SESTD1: variants seen among roughly 807,000 people sequenced by gnomAD.
SESTD1 encodes the protein SEC14 and spectrin domain containing 1, also known as SEC14 domain and spectrin repeat-containing protein 1.
Under a neutral mutation model 101.7 loss-of-function variants are expected in SESTD1, and 43 were observed. That is an observed-to-expected ratio of 0.42 (90% CI 0.33 to 0.55). The LOEUF is 0.55. SESTD1 is among the 20% of genes least tolerant of loss of function. The pLI is 0.07. For missense variants in SESTD1, 647 were observed against 815.1 expected, an observed-to-expected ratio of 0.79 and a Z score of 2.51; for synonymous variants, 283 against 286.8, an observed-to-expected ratio of 0.99 and a Z score of 0.13.
At chr2:179,116,273 T>TAA (rs371896290) in intron 15 of SESTD1, among the ~76,000 whole-genome samples, 8,170 of 139,218 alleles carry the variant, frequency 0.059, 285 homozygotes, top group South Asian at 0.11. Context: ...GACTGTGTCT[T>TAA]AAAAAAAAAA....
At chr2:179,161,968 A>G (rs1358945239) in intron 5 of SESTD1, among the ~76,000 whole-genome samples, 1 of 152,218 alleles carries the variant, frequency 6.6e-6, no homozygotes, top group Non-Finnish European at 1.5e-5. Flanking sequence ...GATATGCTAC[A>G]TAACAATTTT....
At chr2:179,230,607 C>T (rs1197077572) in intron 1 of SESTD1, among the ~76,000 whole-genome samples, 1 of 151,358 alleles carries the variant, frequency 6.6e-6, no homozygotes, top group Non-Finnish European at 1.5e-5. Context: ...CTGAGGAAAA[C>T]AGGAAAAGAA....
chr2:179,164,522 C>CA (rs1446011317), intron 5 of SESTD1, among the ~76,000 whole-genome samples: 1 of 152,128 alleles, frequency 6.6e-6, no homozygotes, highest in African/African-American at 2.4e-5. Flanking sequence ...ATCAAACCAG[C>CA]AAAACCTATC....
chr2:179,165,116 G>A (rs572605637), intron 5 of SESTD1, among the ~76,000 whole-genome samples: 1 of 152,208 alleles, frequency 6.6e-6, no homozygotes. Context: ...GGGTTTGCCT[G>A]GCAGCGTATT....
At chr2:179,134,711 G>C (rs945482631) in intron 9 of SESTD1, among the ~76,000 whole-genome samples, 2 of 151,954 alleles carry the variant, frequency 1.3e-5, no homozygotes, top group Non-Finnish European at 2.9e-5. Context: ...ACTAATGCTT[G>C]TTAATATACT....
chr2:179,136,506 G>A lies in SESTD1; in HGVS notation c.850-4080C>T, dbSNP rs368752848. Among the ~76,000 whole-genome samples, 10 of 152,128 alleles carry A rather than the reference G, an allele frequency of 6.6e-5. No homozygotes were observed. In the East Asian group the frequency reaches 1.7e-3, roughly 26 times the overall value. The stretch of plus-strand genomic sequence containing the variant: ...TAGAACAATTTTCCATGTCTTTTTT[G>A]GGAATCAATTGCTTCTCATTTATCA... On this transcript the variant is annotated intron_variant, in intron 9 of 17. Transcript: ENST00000428443.
intron 2 of SESTD1, among the ~76,000 whole-genome samples, chr2:179,185,753 T>G (rs1175226533): frequency 7.8e-6 from 1 of 127,632 alleles, no homozygotes; most frequent in Non-Finnish European, 1.5e-5. Flanking sequence ...TAGTATATTA[T>G]ATACAATATA....
intron 2 of SESTD1, among the ~76,000 whole-genome samples, chr2:179,185,475 AC>A (rs2046199550): frequency 7.0e-6 from 1 of 142,418 alleles, no homozygotes; most frequent in Admixed American, 7.2e-5. Context: ...ACTATATATT[AC>A]TTATCATATA....
intron 17 of SESTD1, among the ~76,000 whole-genome samples, chr2:179,111,216 C>A (rs976034493): frequency 8.5e-5 from 13 of 152,168 alleles, no homozygotes; most frequent in Non-Finnish European, 1.9e-4. Flanking sequence ...TGACTTTAGG[C>A]TACCTCTGAT....
intron 1 of SESTD1, among the ~76,000 whole-genome samples, chr2:179,253,012 T>C (rs2105556735): frequency 6.6e-6 from 1 of 152,268 alleles, no homozygotes; most frequent in South Asian, 2.1e-4. Flanking sequence ...AAATGAATTA[T>C]AAAAGTCTGG....
intron 5 of SESTD1, 40 bp downstream of exon 5, chr2:179,172,080 T>A (rs1199710255): frequency 7.7e-7 from 1 of 1,291,310 alleles, no homozygotes; most frequent in African/African-American, 1.5e-5. Context: ...ATACTATTTT[T>A]AAAGATATAA....
chr2:179,140,641 C>A (rs2045257992), intron 9 of SESTD1, among the ~76,000 whole-genome samples: 2 of 152,218 alleles, frequency 1.3e-5, no homozygotes, highest in Non-Finnish European at 2.9e-5. Flanking sequence ...TATTTCTCAT[C>A]TTTCCTTCAG....
At chr2:179,169,160 G>A (rs756018337) in intron 5 of SESTD1, among the ~76,000 whole-genome samples, 3 of 152,096 alleles carry the variant, frequency 2.0e-5, no homozygotes, top group Non-Finnish European at 4.4e-5. Flanking sequence ...GACAGAGATT[G>A]TTAAACTGGA....
At chr2:179,146,346 C>T (rs902469751) in intron 8 of SESTD1, 56 bp downstream of exon 8, 9 of 1,432,494 alleles carry the variant, frequency 6.3e-6, no homozygotes, top group South Asian at 5.9e-5. Context: ...ATTTAATGAA[C>T]GAATCAATCC....
In SESTD1 at chr2:179,176,538, A is replaced by G; in HGVS notation, c.165T>C (p.Ser55=). The change falls in exon 4 of 18, where the codon AGT becomes AGC. Residue 55 remains serine (S), a splice_region_variant and synonymous_variant. Coordinates refer to ENST00000428443, the MANE Select transcript of SESTD1 (RefSeq NM_178123.5). ...TAAATCCTCTAGCCTTACACTTCTC[A>G]CTGAAACAAAATAAAATTACAAAGC... is the stretch of plus-strand genomic sequence containing the variant. ...VTLDYLLSIP[S]EKCKARGFTV... The G allele has an allele frequency of 6.2e-7, 1 of 1,610,754 alleles. No individual in the cohort carries two copies. Among genetic ancestry groups the G allele is most frequent in the Non-Finnish European group, 8.5e-7 (1 of 1,178,278 alleles).
chr2:179,225,113 G>C (rs10164707), intron 1 of SESTD1, among the ~76,000 whole-genome samples: 41,116 of 152,028 alleles, frequency 0.27, 5,975 homozygotes, highest in South Asian at 0.39. Flanking sequence ...GCTGTCTCCA[G>C]GTAGGCAGTG....
intron 4 of SESTD1, among the ~76,000 whole-genome samples, chr2:179,175,891 T>G (rs370662733): frequency 8.5e-5 from 13 of 152,226 alleles, no homozygotes; most frequent in Non-Finnish European, 1.6e-4. Context: ...GTTTATTAAA[T>G]GTTAATTTGT....
chr2:179,196,974 C>T (rs566983208), intron 1 of SESTD1, among the ~76,000 whole-genome samples: 17 of 152,278 alleles, frequency 1.1e-4, no homozygotes, highest in African/African-American at 4.1e-4. Context: ...TTTTGATGAG[C>T]TGAGAGAAGA....
intron 1 of SESTD1, among the ~76,000 whole-genome samples, chr2:179,238,453 A>C (rs2047100864): frequency 6.6e-6 from 1 of 152,216 alleles, no homozygotes; most frequent in Admixed American, 6.5e-5. Context: ...ATTAAATAAA[A>C]GTTACAGCTT....
Sources: allele counts gnomAD v4.1 joint callset (sites outside exome capture counted in the v4.1 genomes callset), GRCh38; gene constraint gnomAD v4.1.1; transcripts MANE v1.5; gene names NCBI Gene and HGNC (gene_info 2026-07-23, HGNC 2026-07-21).